The following SLC16A12 variants were observed in gnomAD, a reference collection of about 807,000 sequenced individuals.
SLC16A12 encodes monocarboxylate transporter 12.
In SLC16A12, 17 loss-of-function variants were observed where a neutral mutation model predicts 42.4. The ratio of observed to expected loss-of-function variants is 0.40; its 90% confidence interval spans 0.27 to 0.60. The LOEUF (loss-of-function observed/expected upper bound fraction) is 0.60, where lower values mean the gene tolerates loss of function less well. Ranked by LOEUF, SLC16A12 falls within the 20% of genes least tolerant of loss-of-function variation. The probability of loss-of-function intolerance (pLI) is 0.42; values close to 1 mark genes in which losing one functional copy is unlikely to be tolerated. For synonymous variants in SLC16A12, 224 were observed against 229.4 expected (o/e 0.98, Z 0.21); for missense variants, 544 against 623.0 (o/e 0.87, Z 1.35).
intron 2 of SLC16A12, among the ~76,000 whole-genome samples, chr10:89,491,504 G>C (rs1842846448): frequency 6.6e-6 from 1 of 150,620 alleles, no homozygotes; most frequent in Non-Finnish European, 1.5e-5. Flanking sequence ...CCAGACCCTA[G>C]AGGAGTTTTT....
At chr10:89,439,462 A>G (rs1299490100) in intron 5 of SLC16A12, among the ~76,000 whole-genome samples, 3 of 152,214 alleles carry the variant, frequency 2.0e-5, no homozygotes, top group Non-Finnish European at 4.4e-5. Context: ...CACAAACTAA[A>G]TTGGAATTCA....
At chr10:89,490,574 C>A (rs1842830057) in intron 2 of SLC16A12, among the ~76,000 whole-genome samples, 1 of 152,124 alleles carries the variant, frequency 6.6e-6, no homozygotes, top group African/African-American at 2.4e-5. Flanking sequence ...AGCTCAGGAA[C>A]AATCATATGG....
intron 2 of SLC16A12, among the ~76,000 whole-genome samples, chr10:89,516,005 T>C (rs1393777760): frequency 6.6e-6 from 1 of 152,144 alleles, no homozygotes; most frequent in Non-Finnish European, 1.5e-5. Context: ...TCTACGTATA[T>C]TATATAGTAA....
chr10:89,488,904 G>GT (rs1386957894), intron 2 of SLC16A12, among the ~76,000 whole-genome samples: 7 of 151,902 alleles, frequency 4.6e-5, no homozygotes, highest in Non-Finnish European at 8.8e-5. Context: ...GAAAACTGAC[G>GT]TATCAGGAAA....
chr10:89,526,290 G>A (rs540635145), intron 2 of SLC16A12, among the ~76,000 whole-genome samples: 1 of 152,296 alleles, frequency 6.6e-6, no homozygotes, highest in East Asian at 1.9e-4. Flanking sequence ...ACTTAGCCCA[G>A]CATAGCTATT....
At chr10:89,550,797 T>G (rs1297318639) in intron 2 of SLC16A12, among the ~76,000 whole-genome samples, 1 of 152,194 alleles carries the variant, frequency 6.6e-6, no homozygotes, top group African/African-American at 2.4e-5. Flanking sequence ...CTCTTCACTA[T>G]TTTCGCAAAG....
chr10:89,483,042 C>T (rs73371353), intron 2 of SLC16A12, among the ~76,000 whole-genome samples: 1,590 of 152,240 alleles, frequency 0.01, 25 homozygotes, highest in African/African-American at 0.035. Context: ...TAGAAGTCCA[C>T]GATTAAGGTG....
intron 2 of SLC16A12, among the ~76,000 whole-genome samples, chr10:89,528,955 A>G (rs1843498744): frequency 6.6e-6 from 1 of 152,164 alleles, no homozygotes; most frequent in Non-Finnish European, 1.5e-5. Context: ...ACCTGAACAG[A>G]CCATTTATTT....
intron 2 of SLC16A12, among the ~76,000 whole-genome samples, chr10:89,532,601 C>G (rs1843573408): frequency 6.6e-6 from 1 of 152,046 alleles, no homozygotes; most frequent in African/African-American, 2.4e-5. Flanking sequence ...TTTTTAAAAG[C>G]AAAGCAACTG....
chr10:89,509,732 T>C (rs1352242247), intron 2 of SLC16A12, among the ~76,000 whole-genome samples: 1 of 152,196 alleles, frequency 6.6e-6, no homozygotes, highest in Non-Finnish European at 1.5e-5. Context: ...TATTGGAAGT[T>C]CTGCCCAGGG....
intron 3 of SLC16A12, among the ~76,000 whole-genome samples, chr10:89,456,957 G>A (rs1842202891): frequency 6.6e-6 from 1 of 152,112 alleles, no homozygotes; most frequent in Non-Finnish European, 1.5e-5. Flanking sequence ...GTCTATCACT[G>A]ATGGGCATTT....
intron 2 of SLC16A12, among the ~76,000 whole-genome samples, chr10:89,551,280 A>G (rs766956801): frequency 1.6e-4 from 25 of 152,062 alleles, no homozygotes; most frequent in Non-Finnish European, 3.2e-4. Context: ...TATCTTTACT[A>G]AAAATACTAA....
chr10:89,522,153 A>G (rs868232524), intron 2 of SLC16A12, among the ~76,000 whole-genome samples: 8 of 152,174 alleles, frequency 5.3e-5, no homozygotes, highest in African/African-American at 1.9e-4. Context: ...CACACTATCT[A>G]CCTGTCATCA....
chr10:89,554,032 G>GAAA (rs1843787237), intron 2 of SLC16A12, among the ~76,000 whole-genome samples: 2 of 109,598 alleles, frequency 1.8e-5, no homozygotes, highest in African/African-American at 7.2e-5. Context: ...AAGAGAGAAA[G>GAAA]GAAGAAAGAA....
intron 2 of SLC16A12, among the ~76,000 whole-genome samples, chr10:89,499,106 C>T (rs1842961517): frequency 6.6e-6 from 1 of 152,000 alleles, no homozygotes; most frequent in Non-Finnish European, 1.5e-5. Context: ...AGCTTGCCAG[C>T]AATGGATCCA....
intron 2 of SLC16A12, among the ~76,000 whole-genome samples, chr10:89,474,992 G>T (rs1057159716): frequency 6.6e-6 from 1 of 152,224 alleles, no homozygotes. Flanking sequence ...CATGTTGGAT[G>T]TTGTGTCCCC....
chr10:89,512,336 C>T (rs553907500), intron 2 of SLC16A12, among the ~76,000 whole-genome samples: 2 of 152,288 alleles, frequency 1.3e-5, no homozygotes, highest in African/African-American at 2.4e-5. Context: ...AACTTCAAAT[C>T]TTGTAGGTGA....
At chr10:89,546,580 TG>T (rs1363236027) in intron 2 of SLC16A12, among the ~76,000 whole-genome samples, 1 of 152,228 alleles carries the variant, frequency 6.6e-6, no homozygotes, top group Non-Finnish European at 1.5e-5. Context: ...TTTACACTGT[TG>T]GTGGGAATGT....
At chr10:89,497,646 T>C (rs1037374226) in intron 2 of SLC16A12, among the ~76,000 whole-genome samples, 3 of 152,144 alleles carry the variant, frequency 2.0e-5, no homozygotes, top group African/African-American at 7.2e-5. Flanking sequence ...TCAAGTCTCC[T>C]GACTTCCAAT....
Sources: allele counts gnomAD v4.1 joint callset (sites outside exome capture counted in the v4.1 genomes callset), GRCh38; gene constraint gnomAD v4.1.1; transcripts MANE v1.5; gene names NCBI Gene and HGNC (gene_info 2026-07-23, HGNC 2026-07-21).